Variants in GTF3C5 observed in about 807,000 individuals in gnomAD.
GTF3C5 encodes general transcription factor 3C polypeptide 5.
GTF3C5 carries 47 observed loss-of-function variants against 61.0 expected under a neutral mutation model. That is an observed-to-expected ratio of 0.77 (90% confidence interval 0.61 to 0.98). GTF3C5 has a LOEUF of 0.98. GTF3C5 is among the 50% of genes least tolerant of loss of function. GTF3C5 has a pLI of 0.00. For synonymous variants in GTF3C5, 295 were observed against 275.4 expected (o/e 1.07, Z -0.71); for missense variants, 659 against 703.3 (o/e 0.94, Z 0.71).
intron 1 of GTF3C5, among the ~76,000 whole-genome samples, chr9:133,036,936 A>G (rs978784718): frequency 6.6e-6 from 1 of 152,002 alleles, no homozygotes; most frequent in African/African-American, 2.4e-5. Context: ...TTTCCTTGCA[A>G]ATGGTTAAGG....
chr9:133,058,102 G>T lies in GTF3C5; in HGVS notation c.*122G>T. The stretch of plus-strand genomic sequence containing the variant: ...GGCCCTAGGAGGCCCTCTGAGGAGA[G>T]CTAGAGTCCCAGCAAAGGGTGCAGC... On this transcript the variant is annotated 3_prime_UTR_variant, in exon 11 of 11. Coordinates refer to ENST00000372097, the MANE Select transcript of GTF3C5 (RefSeq NM_012087.4). 1 of 1,523,332 alleles carries T rather than the reference G, an allele frequency of 6.6e-7. No individual in the cohort carries two copies. The highest frequency in any genetic ancestry group is 1.3e-5 in the South Asian group (1 of 77,036). The allele number at this position is 1,523,332 out of a possible 1,614,324, so 94.4% of individuals were successfully genotyped here.
At position 133,041,475 on chromosome 9, in the gene GTF3C5, G is replaced by A. The variant is rs1379739598; in HGVS notation, c.154-612G>A. Among the ~76,000 whole-genome samples, 5 of 152,268 alleles carry A rather than the reference G, an allele frequency of 3.3e-5. No individual in the cohort carries two copies. In the East Asian group the frequency reaches 9.6e-4, roughly 29 times the overall value. On this transcript the variant is annotated intron_variant, in intron 1 of 10. Transcript: ENST00000372097. Reference sequence around the variant, plus strand: ...AAGCTGTCTCTCTCTCTCCCTCTCTGTCTGCCTCGGCTGCCAGGCAGGTAA... The same window carrying A: ...AAGCTGTCTCTCTCTCTCCCTCTCTATCTGCCTCGGCTGCCAGGCAGGTAA...
intron 8 of GTF3C5, chr9:133,055,460 C>A: frequency 8.2e-7 from 1 of 1,220,248 alleles, no homozygotes; most frequent in Non-Finnish European, 1.0e-6. Flanking sequence ...ACCTTTGCTG[C>A]CTTCCCAGTG....
intron 2 of GTF3C5, 67 bp downstream of exon 2, chr9:133,042,373 G>A (rs1850064887): frequency 9.5e-7 from 1 of 1,048,668 alleles, no homozygotes; most frequent in Admixed American, 1.7e-5. Flanking sequence ...GCCTGCAGGA[G>A]CTGTGTGGGT....
At chr9:133,041,691 C>G (rs935356764) in intron 1 of GTF3C5, among the ~76,000 whole-genome samples, 17 of 152,148 alleles carry the variant, frequency 1.1e-4, no homozygotes, top group African/African-American at 3.6e-4. Flanking sequence ...TCTTTTATGT[C>G]TTTGTCTTGT....
intron 1 of GTF3C5, among the ~76,000 whole-genome samples, chr9:133,035,867 T>A (rs150012410): frequency 1.3e-5 from 2 of 152,326 alleles, no homozygotes; most frequent in African/African-American, 4.8e-5. Context: ...GGGCAAGGTC[T>A]TGGCCTTTGC....
At position 133,052,162 on chromosome 9, in the gene GTF3C5, A is replaced by C. The variant is rs779568318; in HGVS notation, c.871A>C (p.Met291Leu). 1.3e-6 allele frequency: 2 copies of C among 1,538,760 alleles called. No individual in the cohort carries two copies. The highest frequency in any genetic ancestry group is 1.1e-5 in the South Asian group (1 of 87,984). Residue 291 changes from methionine (M) to leucine (L), a missense_variant and splice_region_variant, in exon 5 of 11, where the codon ATG (methionine) becomes CTG (leucine). Coordinates refer to ENST00000372097, the MANE Select transcript of GTF3C5 (RefSeq NM_012087.4). Reference protein sequence around the residue: ...KVLLPFIAYYMITGPWRSLWI... With the variant: ...KVLLPFIAYYLITGPWRSLWI... ...CTTGCTTCCCTTCATAGCCTATTAC[A>C]TGGTAAGTGTCAGCTGCCCACCCAC...
chr9:133,050,219 G>T (rs1457582111), intron 3 of GTF3C5, among the ~76,000 whole-genome samples: 1 of 152,310 alleles, frequency 6.6e-6, no homozygotes, highest in East Asian at 1.9e-4. Flanking sequence ...AAATTTCCCA[G>T]TCCCTGTGGT....
At chr9:133,049,074 C>A (rs1396152474) in intron 3 of GTF3C5, among the ~76,000 whole-genome samples, 13 of 152,180 alleles carry the variant, frequency 8.5e-5, no homozygotes, top group Admixed American at 8.5e-4. Context: ...ATGGTGGGTC[C>A]CTCCTGTTCC....
At chr9:133,038,672 G>T (rs1452876410) in intron 1 of GTF3C5, among the ~76,000 whole-genome samples, 1 of 151,390 alleles carries the variant, frequency 6.6e-6, no homozygotes, top group Non-Finnish European at 1.5e-5. Context: ...GGCCAGGCTG[G>T]TCTCGAACTC....
rs564220385 is a variant in GTF3C5, at chr9:133,055,510, G to A, written c.1168-502G>A. The A allele has an allele frequency of 3.7e-5, 44 of 1,197,904 alleles. No homozygotes were observed. In the South Asian group the frequency reaches 3.9e-4, roughly 10 times the overall value. 74.2% of individuals were successfully genotyped at this position (1,197,904 alleles called of 1,614,324 possible). A position where few individuals can be genotyped will look rare whatever the true frequency, so the allele number is the denominator to read the frequency against. The stretch of plus-strand genomic sequence containing the variant: ...CACAGCCTGTGCGGCCTTCCTTCTC[G>A]AGGCCTCTCCTAGGAGGCCGTTATC... On this transcript the variant is annotated intron_variant, in intron 8 of 10. Transcript: ENST00000372097.
intron 1 of GTF3C5, among the ~76,000 whole-genome samples, chr9:133,034,124 C>A (rs1321460360): frequency 6.6e-6 from 1 of 152,084 alleles, no homozygotes; most frequent in Non-Finnish European, 1.5e-5. Flanking sequence ...CTATAATTAG[C>A]AATAAGGGGT....
rs957254786 is a variant in GTF3C5 at position 133,057,881 on chromosome 9, CGAG to C, written c.1467_1469del (p.Glu489del). The C allele has an allele frequency of 1.1e-5, 17 of 1,613,538 alleles. No individual in the cohort carries two copies. The highest frequency in any genetic ancestry group is 1.1e-5 in the South Asian group (1 of 91,042). ...AGCTGACGTACGAGTCTGGGGAAGACGAGGAGGATGAGGAGGAGGAGGAAGAGG... is the reference window on the plus strand; with the variant it reads ...AGCTGACGTACGAGTCTGGGGAAGACGAGGATGAGGAGGAGGAGGAAGAGG... On this transcript the variant is annotated inframe_deletion, in exon 11 of 11. Transcript: ENST00000372097.
intron 1 of GTF3C5, among the ~76,000 whole-genome samples, chr9:133,036,345 T>TA (rs1849858609): frequency 6.6e-6 from 1 of 152,170 alleles, no homozygotes; most frequent in Non-Finnish European, 1.5e-5. Context: ...GCTTTCTGGT[T>TA]TAAGATAGTT....
At chr9:133,035,655 A>G (rs867434898) in intron 1 of GTF3C5, among the ~76,000 whole-genome samples, 1 of 152,202 alleles carries the variant, frequency 6.6e-6, no homozygotes, top group South Asian at 2.1e-4. Flanking sequence ...AGAAGATGGG[A>G]ACTGCGGTCG....
intron 3 of GTF3C5, among the ~76,000 whole-genome samples, chr9:133,047,568 C>T (rs1588472533): frequency 6.6e-6 from 1 of 151,658 alleles, no homozygotes; most frequent in East Asian, 1.9e-4. Flanking sequence ...GTCACCCAGG[C>T]TGGAATGCAG....
chr9:133,045,414 CT>C (rs1251134630), intron 3 of GTF3C5, among the ~76,000 whole-genome samples: 1 of 152,212 alleles, frequency 6.6e-6, no homozygotes, highest in Non-Finnish European at 1.5e-5. Flanking sequence ...GTATGCTCTA[CT>C]TTCTAAAATG....
At chr9:133,036,548 G>A (rs563583586) in intron 1 of GTF3C5, among the ~76,000 whole-genome samples, 1 of 152,226 alleles carries the variant, frequency 6.6e-6, no homozygotes, top group South Asian at 2.1e-4. Flanking sequence ...TACCCCTAAA[G>A]CTACCCCCTT....
chr9:133,043,997 A>C (rs1850123472), intron 3 of GTF3C5, 71 bp downstream of exon 3: 1 of 1,130,856 alleles, frequency 8.8e-7, no homozygotes, highest in African/African-American at 1.5e-5. Context: ...GGAGGCTCAC[A>C]CACTGGGCGT....
Sources: gnomAD v4.1 joint callset for allele counts (sites outside exome capture counted in the v4.1 genomes callset) on GRCh38, gnomAD v4.1.1 for gene constraint, MANE v1.5 for transcripts, NCBI Gene and HGNC (gene_info 2026-07-23, HGNC 2026-07-21) for gene names.